RND2: variants seen among roughly 807,000 people sequenced by gnomAD.
RND2 encodes rho-related GTP-binding protein RhoN.
In RND2, 16 loss-of-function variants were observed where a neutral mutation model predicts 25.9. The ratio of observed to expected loss-of-function variants is 0.62; its 90% confidence interval spans 0.42 to 0.94. RND2 has a LOEUF of 0.94. Among genes scored for constraint, RND2 ranks in the 40% least tolerant of loss-of-function variants. The probability of loss-of-function intolerance (pLI) is 0.00; values close to 1 mark genes in which losing one functional copy is unlikely to be tolerated. For synonymous variants in RND2, 97 were observed against 118.1 expected (o/e 0.82, Z 1.16); for missense variants, 276 against 305.5 (o/e 0.90, Z 0.72).
rs752009524 is a variant in RND2 at position 43,028,796 on chromosome 17, C to T, written c.*116C>T. 52 of 1,436,454 alleles carry T rather than the reference C, an allele frequency of 3.6e-5. No individual in the cohort carries two copies. Among genetic ancestry groups the T allele is most frequent in the Middle Eastern group, 2.5e-4 (1 of 4,002 alleles). 89.0% of individuals were successfully genotyped at this position (1,436,454 alleles called of 1,614,324 possible). ...GGCTGGGAAGTTAGGGCAGGCAGAG[C>T]GAGCAATTCTGGGCAGGGGAGCTGG... On this transcript the variant is annotated 3_prime_UTR_variant, in exon 5 of 5. Transcript: ENST00000587250.
chr17:43,027,340 A>G, intron 3 of RND2, 48 bp downstream of exon 3: 1 of 1,285,348 alleles, frequency 7.8e-7, no homozygotes, highest in Non-Finnish European at 1.1e-6. Flanking sequence ...GGACCAGACC[A>G]CCATGGTCCT....
At position 43,025,283 on chromosome 17, in the gene RND2, G is replaced by T; in HGVS notation, c.-65G>T. On this transcript the variant is annotated 5_prime_UTR_variant, in exon 1 of 5. Transcript: ENST00000587250. ...GGCCCGAGCGGCTGCAGTTGCAGGG[G>T]CGGGGGAGGCGGCGGCGGGGCCCGG... is the stretch of plus-strand genomic sequence containing the variant. The T allele has an allele frequency of 7.1e-7, 1 of 1,404,916 alleles. No individual in the cohort carries two copies. Among genetic ancestry groups the T allele is most frequent in the Non-Finnish European group, 9.4e-7 (1 of 1,062,682 alleles). The allele number at this position is 1,404,916 out of a possible 1,614,324, so 87.0% of individuals were successfully genotyped here.
In RND2 at chr17:43,025,452, G is replaced by A. The variant is rs981522694; in HGVS notation, c.102+3G>A. 3.6e-5 allele frequency: 56 copies of A among 1,547,834 alleles called. No individual in the cohort carries two copies. The Admixed American group carries it at 1.1e-3, about 30-fold the overall frequency. The stretch of plus-strand genomic sequence containing the variant: ...TCGCCAAGGACGCCTATCCCGGGGT[G>A]AGGGACCTGCGTCTTGGGAGGGGGA... On this transcript the variant is annotated splice_donor_region_variant and intron_variant, in intron 1 of 4. Coordinates refer to ENST00000587250, the MANE Select transcript of RND2 (RefSeq NM_005440.5).
Position 43,029,331 on chromosome 17 carries a change from G to A in RND2, c.*651G>A, listed in dbSNP as rs926927622. On this transcript the variant is annotated 3_prime_UTR_variant, in exon 5 of 5. Coordinates refer to ENST00000587250, the MANE Select transcript of RND2 (RefSeq NM_005440.5). Reference sequence around the variant, plus strand: ...TCAGCTGGGGAACTTTCCTGTCCATGTCCACAGATAGAGCAGAGGACAAAG... The same window carrying A: ...TCAGCTGGGGAACTTTCCTGTCCATATCCACAGATAGAGCAGAGGACAAAG... The A allele has an allele frequency of 6.5e-6, 1 of 154,374 alleles. No individual in the cohort carries two copies. Among genetic ancestry groups the A allele is most frequent in the Non-Finnish European group, 1.4e-5 (1 of 69,358 alleles). The allele number at this position is 154,374 out of a possible 1,614,324, so 9.6% of individuals were successfully genotyped here. A position where few individuals can be genotyped will look rare whatever the true frequency, so the allele number is the denominator to read the frequency against.
At chr17:43,027,951 C>A in intron 3 of RND2, 110 bp from the exon 4 acceptor site, 1 of 1,295,686 alleles carries the variant, frequency 7.7e-7, no homozygotes, top group Non-Finnish European at 1.1e-6. Flanking sequence ...CTGAGGGATA[C>A]ATGGTTTCTG....
chr17:43,027,887 C>G (rs981042719), intron 3 of RND2, among the ~76,000 whole-genome samples, 174 bp from the exon 4 acceptor site: 2 of 152,224 alleles, frequency 1.3e-5, no homozygotes, highest in Non-Finnish European at 2.9e-5. Flanking sequence ...CTCACCCCAT[C>G]CTGCTCTCAA....
chr17:43,026,915 A>G (rs2050627498), intron 2 of RND2, among the ~76,000 whole-genome samples: 1 of 152,244 alleles, frequency 6.6e-6, no homozygotes, highest in East Asian at 1.9e-4. Flanking sequence ...GAGCTTCTCA[A>G]AGGGGTCCAA....
Position 43,028,576 on chromosome 17 carries a change from T to A in RND2, c.580T>A (p.Ser194Thr), listed in dbSNP as rs771478855. Residue 194 changes from serine to threonine, a missense_variant, in exon 5 of 5, where the codon TCA becomes ACA. Ser to Thr is a moderately conservative substitution (Grantham distance 58). Coordinates refer to ENST00000587250, the MANE Select transcript of RND2 (RefSeq NM_005440.5). Reference protein sequence around the residue: ...RGHRQLRRTDSRRGMQRSAQL... With the variant: ...RGHRQLRRTDTRRGMQRSAQL... The stretch of plus-strand genomic sequence containing the variant: ...CCATAGGCAGCTGCGCCGAACTGAC[T>A]CACGCCGGGGAATGCAGCGATCCGC... The A allele has an allele frequency of 1.4e-5, 23 of 1,613,962 alleles. No homozygotes were observed. The highest frequency in any genetic ancestry group is 1.9e-5 in the Non-Finnish European group (22 of 1,180,030).
chr17:43,030,589 A>C lies in RND2; in HGVS notation c.*1909A>C, dbSNP rs1487100706. 1 of 152,252 alleles carries C rather than the reference A, an allele frequency of 6.6e-6. No individual in the cohort carries two copies. 9.4% of individuals were successfully genotyped at this position (152,252 alleles called of 1,614,324 possible). A position where few individuals can be genotyped will look rare whatever the true frequency, so the allele number is the denominator to read the frequency against. ...TATGGGAGCTCCTTGCAGCCTGAGA[A>C]GCCAGTCCTGTGAGCCAGGTCCTGA... On this transcript the variant is annotated 3_prime_UTR_variant, in exon 5 of 5. Coordinates refer to ENST00000587250, the MANE Select transcript of RND2 (RefSeq NM_005440.5).
chr17:43,026,882 A>G (rs1249705778), intron 2 of RND2, among the ~76,000 whole-genome samples: 1 of 152,238 alleles, frequency 6.6e-6, no homozygotes, highest in Non-Finnish European at 1.5e-5. Flanking sequence ...GCAACATTTT[A>G]TGAGAATGTC....
At chr17:43,027,392 T>TACCCC in intron 3 of RND2, 100 bp downstream of exon 3, 1 of 768,594 alleles carries the variant, frequency 1.3e-6, no homozygotes, top group Non-Finnish European at 2.1e-6. Flanking sequence ...GGCTGGGGTA[T>TACCCC]GGCCATCAGC....
chr17:43,030,912 G>A lies in RND2; in HGVS notation c.*2232G>A, dbSNP rs1333833699. ...TTTTTGGATAGATGGTTATCTGGATGTGGTGTTGGAGCTGGGAGATTTGGC... is the reference window on the plus strand; with the variant it reads ...TTTTTGGATAGATGGTTATCTGGATATGGTGTTGGAGCTGGGAGATTTGGC... On this transcript the variant is annotated 3_prime_UTR_variant, in exon 5 of 5. Transcript: ENST00000587250. 6.6e-6 allele frequency: 1 copy of A among 152,176 alleles called. No individual in the cohort carries two copies. Among genetic ancestry groups the A allele is most frequent in the African/African-American group, 2.4e-5 (1 of 41,432 alleles). The allele number at this position is 152,176 out of a possible 1,614,324, so 9.4% of individuals were successfully genotyped here.
intron 1 of RND2, 183 bp downstream of exon 1, chr17:43,025,632 G>A: frequency 2.7e-6 from 1 of 368,330 alleles, no homozygotes; most frequent in Non-Finnish European, 3.8e-6. Context: ...GAGGAATTAG[G>A]GAGCAGGGTG....
intron 4 of RND2, 52 bp downstream of exon 4, chr17:43,028,247 C>G: frequency 6.2e-7 from 1 of 1,608,982 alleles, no homozygotes; most frequent in Non-Finnish European, 8.5e-7. Flanking sequence ...TCACCTCTGC[C>G]CCTTCAGTCT....
intron 3 of RND2, among the ~76,000 whole-genome samples, chr17:43,027,599 G>A (rs917643464): frequency 6.6e-6 from 1 of 152,182 alleles, no homozygotes; most frequent in Non-Finnish European, 1.5e-5. Context: ...GGAGGGGATG[G>A]GATGGGAAGC....
Position 43,028,760 on chromosome 17 carries a change from C to T in RND2, c.*80C>T. The stretch of plus-strand genomic sequence containing the variant: ...CCTGCCTGCGCCCAGGCTTCCTGAC[C>T]TCCTGATCCTGGCTGGGAAGTTAGG... On this transcript the variant is annotated 3_prime_UTR_variant, in exon 5 of 5. Coordinates refer to ENST00000587250, the MANE Select transcript of RND2 (RefSeq NM_005440.5). 1 of 1,480,080 alleles carries T rather than the reference C, an allele frequency of 6.8e-7. No individual in the cohort carries two copies. The highest frequency in any genetic ancestry group is 1.3e-5 in the South Asian group (1 of 74,954). 91.7% of individuals were successfully genotyped at this position (1,480,080 alleles called of 1,614,324 possible).
At chr17:43,025,754 G>A (rs2151973869) in intron 1 of RND2, among the ~76,000 whole-genome samples, 1 of 143,358 alleles carries the variant, frequency 7.0e-6, no homozygotes, top group South Asian at 2.3e-4. Context: ...GGACCAGAAG[G>A]GAACAGGAGG....
At position 43,028,547 on chromosome 17, in the gene RND2, G is replaced by A. The variant is rs780502568; in HGVS notation, c.551G>A (p.Arg184His). ...FHVATVASLGRGHRQLRRTDS... is the reference protein window; with the variant it reads ...FHVATVASLGHGHRQLRRTDS... ...GTGGCTACAGTGGCCTCCCTTGGCC[G>A]TGGCCATAGGCAGCTGCGCCGAACT... The change falls in exon 5 of 5, where the codon CGT becomes CAT. Residue 184 changes from arginine to histidine, a missense_variant. Coordinates refer to ENST00000587250, the MANE Select transcript of RND2 (RefSeq NM_005440.5). The A allele has an allele frequency of 2.4e-5, 38 of 1,614,098 alleles. No individual in the cohort carries two copies. The Admixed American group carries it at 4.2e-4, about 18-fold the overall frequency.
rs150842993 is a variant in RND2 at position 43,026,305 on chromosome 17, A to G, written c.190+258A>G. The G allele has an allele frequency of 1.8e-3, 823 of 461,054 alleles. 2 individuals carry two copies. Among genetic ancestry groups the G allele is most frequent in the Middle Eastern group, 0.015 (24 of 1,642 alleles). 28.6% of individuals were successfully genotyped at this position (461,054 alleles called of 1,614,324 possible). ...GCCTACCTGGGAAAGTTGGGAAGGAATGGCTTTTAATTTGGAACATGTTCC... is the reference window on the plus strand; with the variant it reads ...GCCTACCTGGGAAAGTTGGGAAGGAGTGGCTTTTAATTTGGAACATGTTCC... On this transcript the variant is annotated intron_variant, in intron 2 of 4. Coordinates refer to ENST00000587250, the MANE Select transcript of RND2 (RefSeq NM_005440.5).
Sources: allele counts gnomAD v4.1 joint callset (sites outside exome capture counted in the v4.1 genomes callset), GRCh38; gene constraint gnomAD v4.1.1; transcripts MANE v1.5; gene names NCBI Gene and HGNC (gene_info 2026-07-23, HGNC 2026-07-21).